Variants in NSD1 observed in about 807,000 individuals in gnomAD.
NSD1 encodes histone-lysine N-methyltransferase, H3 lysine-36 specific.
A neutral mutation model predicts 242.7 loss-of-function variants in NSD1; 26 were observed. That is an observed-to-expected ratio of 0.11 (90% CI 0.08 to 0.15). NSD1 has a LOEUF of 0.15. NSD1 is among the 10% of genes least tolerant of loss of function. The probability of loss-of-function intolerance (pLI) is 1.00; values close to 1 mark genes in which losing one functional copy is unlikely to be tolerated. For missense variants in NSD1, 2,495 were observed against 3,272.8 expected (o/e 0.76, Z 5.80); for synonymous variants, 1,106 against 1,178.1 (o/e 0.94, Z 1.25).
In NSD1 at chr5:177,266,558, T is replaced by C. The variant is rs1757486774; in HGVS notation, c.5147-1004T>C. On this transcript the variant is annotated intron_variant, in intron 14 of 22. Coordinates refer to ENST00000439151, the MANE Select transcript of NSD1 (RefSeq NM_022455.5). ...TCCGCCTGGCCACAGGACACCTCCA[T>C]GATGCAGTTCACGACCTCGGCGGCC... 9 of 706,052 alleles carry C rather than the reference T, an allele frequency of 1.3e-5. No homozygotes were observed. In the Admixed American group the frequency reaches 2.4e-4, roughly 18 times the overall value. The allele number at this position is 706,052 out of a possible 1,614,324, so 43.7% of individuals were successfully genotyped here. A position where few individuals can be genotyped will look rare whatever the true frequency, so the allele number is the denominator to read the frequency against.
chr5:177,235,241 A>G (rs1446645807), intron 5 of NSD1, among the ~76,000 whole-genome samples: 1 of 152,242 alleles, frequency 6.6e-6, no homozygotes, highest in Non-Finnish European at 1.5e-5. Flanking sequence ...CAAACTTTGT[A>G]TAATGTAGAA....
intron 2 of NSD1, among the ~76,000 whole-genome samples, chr5:177,186,577 G>A (rs1761251564): frequency 6.6e-6 from 1 of 152,118 alleles, no homozygotes; most frequent in Non-Finnish European, 1.5e-5. Context: ...TTTGGCTCAA[G>A]AGCCACTTCT....
At chr5:177,183,094 T>C (rs1760831433) in intron 2 of NSD1, among the ~76,000 whole-genome samples, 1 of 152,086 alleles carries the variant, frequency 6.6e-6, no homozygotes, top group Non-Finnish European at 1.5e-5. Context: ...AGGGGTAAAA[T>C]TTTTTTGTTT....
chr5:177,289,680 C>T (rs1037208605), intron 21 of NSD1, among the ~76,000 whole-genome samples: 3 of 152,138 alleles, frequency 2.0e-5, no homozygotes, highest in Non-Finnish European at 4.4e-5. Flanking sequence ...AAGTAGAACT[C>T]TTAATCTCAC....
Position 177,239,742 on chromosome 5 carries a change from T to C in NSD1, c.4193-14T>C. On this transcript the variant is annotated splice_polypyrimidine_tract_variant and intron_variant, in intron 7 of 22. Coordinates refer to ENST00000439151, the MANE Select transcript of NSD1 (RefSeq NM_022455.5). ...GTTTCTAAATCATCTAATGTAAAGA[T>C]ACATGCATTTCAGGAAATTATGAAA... The C allele has an allele frequency of 6.9e-7, 1 of 1,449,584 alleles. No homozygotes were observed. The highest frequency in any genetic ancestry group is 9.7e-7 in the Non-Finnish European group (1 of 1,031,164). The allele number at this position is 1,449,584 out of a possible 1,614,324, so 89.8% of individuals were successfully genotyped here. A position where few individuals can be genotyped will look rare whatever the true frequency, so the allele number is the denominator to read the frequency against.
At chr5:177,215,138 A>C (rs1239872366) in intron 5 of NSD1, among the ~76,000 whole-genome samples, 1 of 151,912 alleles carries the variant, frequency 6.6e-6, no homozygotes, top group Non-Finnish European at 1.5e-5. Flanking sequence ...GTAATGCTAC[A>C]GTGAACATGG....
intron 2 of NSD1, 41 bp downstream of exon 2, chr5:177,136,071 TA>T (rs1756302039): frequency 6.6e-7 from 1 of 1,517,714 alleles, no homozygotes; most frequent in African/African-American, 1.4e-5. Context: ...TACATATATG[TA>T]TATATACAGG....
At chr5:177,257,842 A>ATTTT (rs1160063323) in intron 13 of NSD1, among the ~76,000 whole-genome samples, 1 of 143,098 alleles carries the variant, frequency 7.0e-6, no homozygotes. Flanking sequence ...ATTTTATTTT[A>ATTTT]TTTTTTTTTG....
intron 9 of NSD1, among the ~76,000 whole-genome samples, chr5:177,246,464 A>T (rs1040300131): frequency 6.6e-6 from 1 of 152,206 alleles, no homozygotes; most frequent in Admixed American, 6.5e-5. Context: ...TTACTATTTA[A>T]TCTATATGAG....
Position 177,244,280 on chromosome 5 carries a change from T to C in NSD1, c.4378+10T>C. On this transcript the variant is annotated intron_variant, in intron 9 of 22. Coordinates refer to ENST00000439151, the MANE Select transcript of NSD1 (RefSeq NM_022455.5). ...AAAGATTTTGGTGGAGGTGAGTATT[T>C]TTGAGATTTAAAAAACGTAATGCAG... The C allele has an allele frequency of 6.2e-7, 1 of 1,601,790 alleles. No individual in the cohort carries two copies. Among genetic ancestry groups the C allele is most frequent in the Non-Finnish European group, 8.6e-7 (1 of 1,169,162 alleles).
rs70991598 is a variant in NSD1 at position 177,190,966 on chromosome 5, CTT to C, written c.928-905_928-904del. ...ACAGGCATGAGCCACTGCACCCAGC[CTT>C]TTTTTTTTTTTTCTTTTTTTTTTTT... On this transcript the variant is annotated intron_variant, in intron 2 of 22. Transcript: ENST00000439151. 3.9e-3 allele frequency among the ~76,000 whole-genome samples: 497 copies of C among 127,350 alleles called. 5 individuals are homozygous for C. Among genetic ancestry groups the C allele is most frequent in the African/African-American group, 0.015 (488 of 32,330 alleles). The allele number at this position is 127,350 out of a possible 152,430, so 83.5% of individuals were successfully genotyped here.
At chr5:177,208,894 C>T (rs534184698) in intron 4 of NSD1, among the ~76,000 whole-genome samples, 1 of 151,862 alleles carries the variant, frequency 6.6e-6, no homozygotes, top group Admixed American at 6.6e-5. Context: ...TGGGGTTTGG[C>T]GATGTTGGCC....
intron 7 of NSD1, among the ~76,000 whole-genome samples, chr5:177,239,440 T>C (rs983745795): frequency 6.6e-6 from 1 of 152,212 alleles, no homozygotes; most frequent in African/African-American, 2.4e-5. Flanking sequence ...ACTCCACTTC[T>C]CCTTATTTTA....
intron 2 of NSD1, among the ~76,000 whole-genome samples, chr5:177,180,101 A>T (rs534484571): frequency 3.3e-4 from 46 of 137,730 alleles, no homozygotes; most frequent in Admixed American, 1.2e-3. Flanking sequence ...TTATTTATTT[A>T]TTTTTTTTTT....
chr5:177,135,731 G>A lies in NSD1; in HGVS notation c.628G>A (p.Glu210Lys), dbSNP rs767430182. The change falls in exon 2 of 23, where the codon GAA (glutamate) becomes AAA (lysine). Residue 210 changes from glutamate to lysine, a missense_variant. Around this residue, in one of 19 missense-constraint regions of NSD1, gnomAD observed 376 missense variants for 367.4 expected, o/e 1.02. Coordinates refer to ENST00000439151, the MANE Select transcript of NSD1 (RefSeq NM_022455.5). ...ENGVKVAMGS[E>K]QDSTPESRHG... ...TGGTGTAAAAGTGGCCATGGGAAGTGAACAAGACAGCACACCAGAGAGTAG... is the reference window on the plus strand; with the variant it reads ...TGGTGTAAAAGTGGCCATGGGAAGTAAACAAGACAGCACACCAGAGAGTAG... 1.9e-6 allele frequency: 3 copies of A among 1,614,184 alleles called. No homozygotes were observed. The highest frequency in any genetic ancestry group is 2.5e-6 in the Non-Finnish European group (3 of 1,180,034).
intron 3 of NSD1, among the ~76,000 whole-genome samples, chr5:177,200,087 T>C (rs1762400506): frequency 6.6e-6 from 1 of 152,038 alleles, no homozygotes; most frequent in African/African-American, 2.4e-5. Context: ...AAAACATAAA[T>C]TTAATGTTTT....
intron 2 of NSD1, among the ~76,000 whole-genome samples, chr5:177,158,297 C>CTTTTCTTTTCT (rs1554172559): frequency 2.0e-4 from 21 of 104,078 alleles, no homozygotes; most frequent in Non-Finnish European, 1.9e-4. Flanking sequence ...TTCTTTCTTT[C>CTTTTCTTTTCT]TTTCTTTTCT....
In NSD1 at chr5:177,163,875, T is replaced by C. The variant is rs527764739; in HGVS notation, c.927+27845T>C. Reference sequence around the variant, plus strand: ...ACTAAGGTCATCTGCTTTCAGAGCATTTACTTTCTGTTAGGCTGCCTCTCC... The same window carrying C: ...ACTAAGGTCATCTGCTTTCAGAGCACTTACTTTCTGTTAGGCTGCCTCTCC... On this transcript the variant is annotated intron_variant, in intron 2 of 22. Transcript: ENST00000439151. 2.6e-5 allele frequency among the ~76,000 whole-genome samples: 4 copies of C among 152,320 alleles called. No individual in the cohort carries two copies. The South Asian group carries it at 8.3e-4, about 32-fold the overall frequency.
At chr5:177,161,010 C>T (rs1223936827) in intron 2 of NSD1, among the ~76,000 whole-genome samples, 2 of 152,088 alleles carry the variant, frequency 1.3e-5, no homozygotes, top group Admixed American at 6.6e-5. Flanking sequence ...CTCAGGTGAT[C>T]TGCCCACTTC....
Sources: gnomAD v4.1 joint callset for allele counts (sites outside exome capture counted in the v4.1 genomes callset) on GRCh38, gnomAD v4.1.1 for gene constraint, gnomAD v4.1.1 regional missense constraint, MANE v1.5 for transcripts, NCBI Gene and HGNC (gene_info 2026-07-23, HGNC 2026-07-21) for gene names.